The following FER1L6 variants were observed in gnomAD, a reference collection of about 807,000 sequenced individuals.
The protein encoded by FER1L6 is fer-1-like protein 6.
Under a neutral mutation model 219.2 loss-of-function variants are expected in FER1L6, and 177 were observed. That is an observed-to-expected ratio of 0.81 (90% CI 0.71 to 0.91). The LOEUF (loss-of-function observed/expected upper bound fraction) is 0.91. FER1L6 is among the 40% of genes least tolerant of loss of function. FER1L6 has a pLI of 0.00. For synonymous variants in FER1L6, 768 were observed against 824.3 expected (o/e 0.93, Z 1.17); for missense variants, 2,153 against 2,259.9 (o/e 0.95, Z 0.96).
intron 1 of FER1L6, among the ~76,000 whole-genome samples, chr8:123,877,227 A>G (rs1817019629): frequency 6.6e-6 from 1 of 152,204 alleles, no homozygotes; most frequent in Non-Finnish European, 1.5e-5. Flanking sequence ...TTATTTTTCA[A>G]TTATTGCTGA....
chr8:124,084,316 T>C (rs1226019019), intron 33 of FER1L6, among the ~76,000 whole-genome samples: 2 of 152,230 alleles, frequency 1.3e-5, no homozygotes, highest in South Asian at 4.1e-4. Flanking sequence ...GTGGTGAAAG[T>C]GGGCATCCTT....
chr8:123,868,072 A>T (rs187332264), intron 1 of FER1L6, among the ~76,000 whole-genome samples: 75 of 152,122 alleles, frequency 4.9e-4, no homozygotes, highest in Non-Finnish European at 9.1e-4. Flanking sequence ...TTCCCTCGAC[A>T]TTGTATTTGT....
intron 9 of FER1L6, 24 bp from the exon 10 acceptor site, chr8:123,977,393 A>G (rs765735207): frequency 1.1e-5 from 17 of 1,604,970 alleles, no homozygotes; most frequent in Non-Finnish European, 1.4e-5. Context: ...TCCATGACTC[A>G]TGTCCTCCTG....
chr8:123,917,348 T>TTGAC (rs1229331417), intron 1 of FER1L6, among the ~76,000 whole-genome samples: 1 of 152,226 alleles, frequency 6.6e-6, no homozygotes, highest in African/African-American at 2.4e-5. Flanking sequence ...TGCAGAGGAC[T>TTGAC]TGACTGATGT....
At chr8:123,897,608 A>C (rs1019795599) in intron 1 of FER1L6, among the ~76,000 whole-genome samples, 25 of 152,236 alleles carry the variant, frequency 1.6e-4, no homozygotes, top group African/African-American at 5.5e-4. Flanking sequence ...GAAAGATGGC[A>C]CAACTTCAAG....
At chr8:124,061,406 G>T (rs573378957) in intron 24 of FER1L6, among the ~76,000 whole-genome samples, 1 of 152,244 alleles carries the variant, frequency 6.6e-6, no homozygotes, top group South Asian at 2.1e-4. Flanking sequence ...CAAACCTTTT[G>T]TATCAGGCTG....
At chr8:123,921,569 C>T (rs1563686317) in intron 1 of FER1L6, among the ~76,000 whole-genome samples, 1 of 146,788 alleles carries the variant, frequency 6.8e-6, no homozygotes, top group Admixed American at 6.9e-5. Flanking sequence ...GAGACTGGAT[C>T]TTGCTGTGTT....
chr8:123,877,951 A>G (rs1817034460), intron 1 of FER1L6, among the ~76,000 whole-genome samples: 2 of 152,272 alleles, frequency 1.3e-5, no homozygotes, highest in South Asian at 4.1e-4. Context: ...AGGGTTGGGG[A>G]GAGAGCTCTA....
chr8:123,956,750 G>T (rs1019516704), intron 2 of FER1L6, among the ~76,000 whole-genome samples: 2 of 152,212 alleles, frequency 1.3e-5, no homozygotes, highest in African/African-American at 4.8e-5. Context: ...TGGCTGCACA[G>T]ACCACATATC....
At chr8:124,085,357 T>C (rs1821736337) in intron 33 of FER1L6, among the ~76,000 whole-genome samples, 2 of 152,134 alleles carry the variant, frequency 1.3e-5, no homozygotes, top group African/African-American at 2.4e-5. Flanking sequence ...ATGTGGGTGC[T>C]TATTGCTATA....
At chr8:123,950,477 G>C (rs998351800) in intron 1 of FER1L6, among the ~76,000 whole-genome samples, 1 of 152,182 alleles carries the variant, frequency 6.6e-6, no homozygotes, top group Non-Finnish European at 1.5e-5. Context: ...TCTCTGAAGG[G>C]CTATGAGAGG....
intron 1 of FER1L6, among the ~76,000 whole-genome samples, chr8:123,903,740 A>G (rs979985482): frequency 1.3e-5 from 2 of 152,148 alleles, no homozygotes; most frequent in South Asian, 2.1e-4. Context: ...GGACCGTTTC[A>G]TACTGTAGAA....
rs1270079223 is a variant in FER1L6 at position 123,983,234 on chromosome 8, C to T, written c.1410+2423C>T. Among the ~76,000 whole-genome samples the T allele has an allele frequency of 3.3e-5, 5 of 152,160 alleles. No individual in the cohort carries two copies. The South Asian group carries it at 6.2e-4, about 19-fold the overall frequency. On this transcript the variant is annotated intron_variant, in intron 11 of 40. Coordinates refer to ENST00000522917, the MANE Select transcript of FER1L6 (RefSeq NM_001039112.2). ...AATCTCCCCTCTCCCCAGCTGCAGC[C>T]GTACCTTCATTGCCCATCTGGACAG...
chr8:124,089,043 G>T (rs1237176567), intron 33 of FER1L6, among the ~76,000 whole-genome samples: 2 of 152,150 alleles, frequency 1.3e-5, no homozygotes, highest in Admixed American at 6.5e-5. Context: ...CACTGGCTCC[G>T]AGCTCAGCAT....
chr8:123,886,144 A>G (rs569909771), intron 1 of FER1L6, among the ~76,000 whole-genome samples: 7 of 152,296 alleles, frequency 4.6e-5, no homozygotes, highest in African/African-American at 1.7e-4. Context: ...ATTCCTTATA[A>G]GTCTTCTCCA....
At chr8:123,974,149 G>C (rs1815945179) in intron 7 of FER1L6, among the ~76,000 whole-genome samples, 1 of 152,156 alleles carries the variant, frequency 6.6e-6, no homozygotes, top group African/African-American at 2.4e-5. Flanking sequence ...TTTTATGAAA[G>C]GCCCCCTATC....
chr8:124,091,206 TAAAC>T (rs1395196941), intron 33 of FER1L6, among the ~76,000 whole-genome samples: 6 of 152,220 alleles, frequency 3.9e-5, no homozygotes, highest in Non-Finnish European at 7.3e-5. Flanking sequence ...GTACATTACT[TAAAC>T]AAAAACAAAA....
In FER1L6 at chr8:124,064,382, G is replaced by A. The variant is rs765555367; in HGVS notation, c.3364G>A (p.Gly1122Arg). Residue 1122 changes from glycine (G) to arginine (R), a missense_variant, in exon 26 of 41, where the codon GGA (glycine) becomes AGA (arginine). Coordinates refer to ENST00000522917, the MANE Select transcript of FER1L6 (RefSeq NM_001039112.2). ...SDSLTATESS[G>R]AHSSSQDPPA... is the part of the protein sequence containing the mutation. ...TTCGCTAACAGCCACTGAGTCCTCT[G>A]GAGCCCACAGCTCCTCCCAGGATCC... 19 of 1,612,908 alleles carry A rather than the reference G, an allele frequency of 1.2e-5. No homozygotes were observed. The South Asian group carries it at 2.0e-4, about 17-fold the overall frequency.
chr8:123,925,417 G>A (rs752980594), intron 1 of FER1L6, among the ~76,000 whole-genome samples: 2 of 152,192 alleles, frequency 1.3e-5, no homozygotes, highest in Non-Finnish European at 2.9e-5. Flanking sequence ...GGAAGTTACA[G>A]CATCATATTG....
Sources: gnomAD v4.1 joint callset for allele counts (sites outside exome capture counted in the v4.1 genomes callset) on GRCh38, gnomAD v4.1.1 for gene constraint, MANE v1.5 for transcripts, NCBI Gene and HGNC (gene_info 2026-07-23, HGNC 2026-07-21) for gene names.